Variants in ARFGEF1 observed in about 807,000 individuals in gnomAD.
ARFGEF1 encodes the protein ARF guanine nucleotide exchange factor 1, also known as brefeldin A-inhibited guanine nucleotide-exchange protein 1.
ARFGEF1 carries 42 observed loss-of-function variants against 231.0 expected under a neutral mutation model. The ratio of observed to expected loss-of-function variants is 0.18; its 90% CI spans 0.14 to 0.24. The LOEUF (loss-of-function observed/expected upper bound fraction) is 0.24, where lower values mean the gene tolerates loss of function less well. ARFGEF1 is among the 10% of genes least tolerant of loss of function. The pLI is 1.00. For synonymous variants in ARFGEF1, 710 were observed against 732.3 expected (o/e 0.97, Z 0.49); for missense variants, 1,345 against 2,192.0 (o/e 0.61, Z 7.72).
chr8:67,211,474 A>G lies in ARFGEF1; in HGVS notation c.4819+9T>C. On this transcript the variant is annotated intron_variant, in intron 34 of 38. Transcript: ENST00000262215. The stretch of plus-strand genomic sequence containing the variant: ...CACAAATTTATTTTTATTTAGAGAA[A>G]TAACTCACTTGCTGTAGATTTAATT... The G allele has an allele frequency of 1.3e-6, 2 of 1,557,796 alleles. No individual in the cohort carries two copies. The highest frequency in any genetic ancestry group is 1.7e-6 in the Non-Finnish European group (2 of 1,157,714).
At chr8:67,182,666 G>A (rs552141530) in intron 5 of ARFGEF1, among the ~76,000 whole-genome samples, 1 of 152,276 alleles carries the variant, frequency 6.6e-6, no homozygotes, top group African/African-American at 2.4e-5. Context: ...TTTTTGAATA[G>A]TAGCAATCCT....
chr8:67,265,864 G>T, intron 14 of ARFGEF1, 142 bp downstream of exon 14: 1 of 721,528 alleles, frequency 1.4e-6, no homozygotes, highest in Non-Finnish European at 2.3e-6. Flanking sequence ...AACAAGGGGG[G>T]CTGAATAGGA....
intron 29 of ARFGEF1, among the ~76,000 whole-genome samples, chr8:67,223,584 T>C (rs970875051): frequency 1.3e-5 from 2 of 152,168 alleles, no homozygotes; most frequent in Non-Finnish European, 2.9e-5. Context: ...ACTGATCTTT[T>C]CTCTCTCCTT....
intron 34 of ARFGEF1, among the ~76,000 whole-genome samples, chr8:67,210,661 C>A (rs966189893): frequency 6.6e-6 from 1 of 152,056 alleles, no homozygotes; most frequent in African/African-American, 2.4e-5. Context: ...TGCTCGTTGG[C>A]GGAAAAAGCT....
In ARFGEF1 at chr8:67,249,613, ATTTATT is replaced by A. The variant is rs576071274; in HGVS notation, c.2850+1680_2850+1685del. Among the ~76,000 whole-genome samples, 208 of 149,736 alleles carry A rather than the reference ATTTATT, an allele frequency of 1.4e-3. 10 individuals are homozygous for A. Among genetic ancestry groups the A allele is most frequent in the Non-Finnish European group, 2.1e-3 (141 of 67,656 alleles). On this transcript the variant is annotated intron_variant, in intron 19 of 38. Transcript: ENST00000262215. ...GTGCAGAACTCTCAGAGAGGGTGAT[ATTTATT>A]TTTATTTTTATTTTTATTTTTCAGA...
At chr8:67,300,358 AG>A (rs1563900063) in intron 3 of ARFGEF1, among the ~76,000 whole-genome samples, 1 of 152,258 alleles carries the variant, frequency 6.6e-6, no homozygotes, top group Non-Finnish European at 1.5e-5. Flanking sequence ...TCCTCTACTT[AG>A]AAACTTGTCT....
At position 67,232,919 on chromosome 8, in the gene ARFGEF1, T is replaced by G; in HGVS notation, c.3316A>C (p.Ile1106Leu). 2.5e-6 allele frequency: 4 copies of G among 1,611,360 alleles called. No individual in the cohort carries two copies. The highest frequency in any genetic ancestry group is 3.4e-6 in the Non-Finnish European group (4 of 1,178,464). The change falls in exon 23 of 39, where the codon ATA (isoleucine) becomes CTA (leucine). Residue 1106 changes from isoleucine (I) to leucine (L), a missense_variant. By Grantham distance (5) the Ile-to-Leu change is conservative (BLOSUM62 2). This residue lies in a region of ARFGEF1 where 146 missense variants were observed against 321.4 expected (regional missense o/e 0.45). Coordinates refer to ENST00000262215, the MANE Select transcript of ARFGEF1 (RefSeq NM_006421.5). ...LVGGNVDWKQ[I>L]ASIQESIGET... ...CCAATGGATTCCTGAATACTTGCTA[T>G]CTGTTTCCAGTCCACATTTCCTCCA...
downstream of ARFGEF1, chr8:67,195,711 T>C (rs1837804902): frequency 1.1e-5 from 8 of 706,528 alleles, no homozygotes; most frequent in South Asian, 1.5e-4. Flanking sequence ...CCATCATCTG[T>C]ATATAAAATT....
At chr8:67,308,597 C>A (rs1806852355) in intron 1 of ARFGEF1, among the ~76,000 whole-genome samples, 1 of 152,168 alleles carries the variant, frequency 6.6e-6, no homozygotes, top group Non-Finnish European at 1.5e-5. Context: ...GTGAAATATT[C>A]CACAGCCTCA....
At chr8:67,248,392 G>T (rs1840170347) in intron 19 of ARFGEF1, among the ~76,000 whole-genome samples, 1 of 150,292 alleles carries the variant, frequency 6.7e-6, no homozygotes, top group South Asian at 2.1e-4. Context: ...TGGGAGAAAG[G>T]ACAGTCTCTT....
rs1334668717 is a variant in ARFGEF1 at position 67,236,363 on chromosome 8, AAAATATATATATATATATATATATATAT to A, written c.3289+1952_3289+1979del. Among the ~76,000 whole-genome samples the A allele has an allele frequency of 7.4e-4, 28 of 37,692 alleles. 1 individual carries two copies. The highest frequency in any genetic ancestry group is 3.0e-3 in the South Asian group (3 of 1,012). 24.7% of individuals were successfully genotyped at this position (37,692 alleles called of 152,430 possible). On this transcript the variant is annotated intron_variant, in intron 22 of 38. Transcript: ENST00000262215. ...AAGATATTAGTTAAAAAAAAAAAAA[AAAATATATATATATATATATATATATAT>A]ATATATATATATATATATATGTATC...
At position 67,199,245 on chromosome 8, in the gene ARFGEF1, G is replaced by C. The variant is rs1181903619; in HGVS notation, c.5386-147C>G. The stretch of plus-strand genomic sequence containing the variant: ...CAGTGACTCTGGTTTGTGGAACTGA[G>C]AGACAGAAGTGTTAGAAAAACTCAC... On this transcript the variant is annotated intron_variant, in intron 38 of 38. Coordinates refer to ENST00000262215, the MANE Select transcript of ARFGEF1 (RefSeq NM_006421.5). 3.6e-6 allele frequency: 3 copies of C among 843,810 alleles called. No homozygotes were observed. The African/African-American group carries it at 5.4e-5, about 15-fold the overall frequency. The allele number at this position is 843,810 out of a possible 1,614,324, so 52.3% of individuals were successfully genotyped here.
intron 1 of ARFGEF1, among the ~76,000 whole-genome samples, chr8:67,328,622 T>A (rs920798036): frequency 2.0e-5 from 3 of 152,210 alleles, no homozygotes; most frequent in Non-Finnish European, 4.4e-5. Flanking sequence ...GATCTAGCAA[T>A]AAACTTCCAC....
At chr8:67,325,717 A>T (rs958028184) in intron 1 of ARFGEF1, among the ~76,000 whole-genome samples, 2 of 152,260 alleles carry the variant, frequency 1.3e-5, no homozygotes, top group African/African-American at 4.8e-5. Flanking sequence ...AGTAACAAAC[A>T]TAAATAAATA....
chr8:67,198,702 G>C lies in ARFGEF1; in HGVS notation c.*232C>G. The C allele has an allele frequency of 7.8e-7, 1 of 1,278,906 alleles. No homozygotes were observed. The highest frequency in any genetic ancestry group is 9.9e-7 in the Non-Finnish European group (1 of 1,011,722). The allele number at this position is 1,278,906 out of a possible 1,614,324, so 79.2% of individuals were successfully genotyped here. ...AGGGAAGGACCCGTGAGCATGAGCTGACACTGTTTAAACAGGCTTTCTGCT... is the reference window on the plus strand; with the variant it reads ...AGGGAAGGACCCGTGAGCATGAGCTCACACTGTTTAAACAGGCTTTCTGCT... On this transcript the variant is annotated 3_prime_UTR_variant, in exon 39 of 39. Transcript: ENST00000262215.
In ARFGEF1 at chr8:67,203,225, G is replaced by A. The variant is rs778227332; in HGVS notation, c.4986C>T (p.Arg1662=). 77 of 1,613,948 alleles carry A rather than the reference G, an allele frequency of 4.8e-5. No homozygotes were observed. Among genetic ancestry groups the A allele is most frequent in the Non-Finnish European group, 6.3e-5 (74 of 1,180,008 alleles). ...AQRDAVDFDV[R]VDTQDQGMYR... is the part of the protein sequence containing the mutation. ...ACATTCCTTGGTCTTGAGTATCAACGCGAACATCAAAGTCCACCGCATCTC... is the reference window on the plus strand; with the variant it reads ...ACATTCCTTGGTCTTGAGTATCAACACGAACATCAAAGTCCACCGCATCTC... Residue 1662 remains arginine, a synonymous_variant, in exon 36 of 39, where the codon CGC becomes CGT. Coordinates refer to ENST00000262215, the MANE Select transcript of ARFGEF1 (RefSeq NM_006421.5).
At chr8:67,194,187 T>C (rs753069991), downstream of ARFGEF1, among the ~76,000 whole-genome samples, 2 of 152,216 alleles carry the variant, frequency 1.3e-5, no homozygotes, top group Non-Finnish European at 2.9e-5. Context: ...CCCTTTTCTA[T>C]ACCAGTGCTA....
Position 67,291,960 on chromosome 8 carries a change from T to C in ARFGEF1, c.803A>G (p.His268Arg), listed in dbSNP as rs1285658290. 4 of 1,613,966 alleles carry C rather than the reference T, an allele frequency of 2.5e-6. No homozygotes were observed. In the South Asian group the frequency reaches 3.3e-5, roughly 13 times the overall value. Reference protein sequence around the residue: ...SQEHEGDLDLHTNDVDKSLQD... With the variant: ...SQEHEGDLDLRTNDVDKSLQD... ...AAGACTTTTATCTACATCATTTGTATGGAGGTCAAGGTCCCCTTCGTGTTC... is the reference window on the plus strand; with the variant it reads ...AAGACTTTTATCTACATCATTTGTACGGAGGTCAAGGTCCCCTTCGTGTTC... Residue 268 changes from histidine to arginine, a missense_variant, in exon 6 of 39, where the codon CAT becomes CGT. By Grantham distance (29) the His-to-Arg change is conservative (BLOSUM62 0). Coordinates refer to ENST00000262215, the MANE Select transcript of ARFGEF1 (RefSeq NM_006421.5).
At chr8:67,194,911 A>AAAT (rs1837510071), downstream of ARFGEF1, among the ~76,000 whole-genome samples, 2 of 152,158 alleles carry the variant, frequency 1.3e-5, no homozygotes, top group Non-Finnish European at 2.9e-5. Flanking sequence ...TGTTTTCCCA[A>AAAT]AATAACTTAA....
Sources: gnomAD v4.1 joint callset for allele counts (sites outside exome capture counted in the v4.1 genomes callset) on GRCh38, gnomAD v4.1.1 for gene constraint, gnomAD v4.1.1 regional missense constraint, MANE v1.5 for transcripts, NCBI Gene and HGNC (gene_info 2026-07-23, HGNC 2026-07-21) for gene names.